ATP9B: variants seen among roughly 807,000 people sequenced by gnomAD.
ATP9B encodes probable phospholipid-transporting ATPase IIB.
Under a neutral mutation model 146.1 loss-of-function variants are expected in ATP9B, and 110 were observed. That is an observed-to-expected ratio of 0.75 (90% CI 0.65 to 0.88). The LOEUF (loss-of-function observed/expected upper bound fraction) is 0.88, where lower values mean the gene tolerates loss of function less well. Among genes scored for constraint, ATP9B ranks in the 40% least tolerant of loss-of-function variants. The probability of loss-of-function intolerance (pLI) is 0.00; values close to 1 mark genes in which losing one functional copy is unlikely to be tolerated. For synonymous variants in ATP9B, 604 were observed against 569.7 expected (o/e 1.06, Z -0.86); for missense variants, 1,499 against 1,496.4 (o/e 1.00, Z -0.03).
At chr18:79,214,215 A>G (rs1361812971) in intron 11 of ATP9B, among the ~76,000 whole-genome samples, 177 bp downstream of exon 11, 1 of 152,182 alleles carries the variant, frequency 6.6e-6, no homozygotes, top group Non-Finnish European at 1.5e-5. Context: ...ACATTCTCAT[A>G]CTGGCGAATT....
chr18:79,120,555 A>C (rs1468629607), intron 4 of ATP9B, among the ~76,000 whole-genome samples: 1 of 152,170 alleles, frequency 6.6e-6, no homozygotes, highest in African/African-American at 2.4e-5. Flanking sequence ...AGTTGATTTC[A>C]TTACATTTTT....
chr18:79,166,793 G>T (rs1288336437), intron 7 of ATP9B, among the ~76,000 whole-genome samples: 1 of 152,192 alleles, frequency 6.6e-6, no homozygotes, highest in Admixed American at 6.5e-5. Flanking sequence ...GCTTAGGCCT[G>T]CTGGGCTCAT....
chr18:79,307,487 G>A, intron 15 of ATP9B: 1 of 491,384 alleles, frequency 2.0e-6, no homozygotes, highest in African/African-American at 1.9e-5. Context: ...TGGTCACAGG[G>A]AACAGCATGA....
intron 11 of ATP9B, among the ~76,000 whole-genome samples, chr18:79,245,229 T>C (rs1327450941): frequency 6.6e-6 from 1 of 152,190 alleles, no homozygotes. Context: ...CTTTGTAAAA[T>C]ACTTGTTAAA....
intron 12 of ATP9B, among the ~76,000 whole-genome samples, chr18:79,265,950 G>C (rs966227390): frequency 6.6e-6 from 1 of 152,154 alleles, no homozygotes; most frequent in African/African-American, 2.4e-5. Context: ...TCTCTCTTCT[G>C]CAAATGGCCA....
chr18:79,314,163 CTATGGTTA>C (rs2096667285), intron 15 of ATP9B, among the ~76,000 whole-genome samples: 1 of 152,212 alleles, frequency 6.6e-6, no homozygotes, highest in Non-Finnish European at 1.5e-5. Context: ...ATCACAACAT[CTATGGTTA>C]ATAAGCAACA....
chr18:79,112,852 A>G (rs2093997973), intron 3 of ATP9B, among the ~76,000 whole-genome samples: 1 of 152,132 alleles, frequency 6.6e-6, no homozygotes, highest in Non-Finnish European at 1.5e-5. Context: ...ATACACCTGT[A>G]TATTTACTGG....
At chr18:79,281,312 C>T (rs1403480397) in intron 13 of ATP9B, among the ~76,000 whole-genome samples, 1 of 151,970 alleles carries the variant, frequency 6.6e-6, no homozygotes, top group African/African-American at 2.4e-5. Flanking sequence ...GCCTGACCAA[C>T]ATGGAGAAAA....
At chr18:79,364,424 A>G (rs1274177204) in intron 26 of ATP9B, 3 of 152,230 alleles carry the variant, frequency 2.0e-5, no homozygotes, top group Admixed American at 6.5e-5. Context: ...AGAGCCCAGA[A>G]ATACATCACA....
At chr18:79,327,963 CGTGGTTAGCGTGCTCTCT>C (rs2096767966) in intron 15 of ATP9B, among the ~76,000 whole-genome samples, 2 of 52,594 alleles carry the variant, frequency 3.8e-5, no homozygotes, top group Non-Finnish European at 3.9e-5. Flanking sequence ...GCGTGCTCTC[CGTGGTTAGCGTGCTCTCT>C]CTGGTTAGCG....
At chr18:79,192,481 G>C (rs60585035) in intron 8 of ATP9B, among the ~76,000 whole-genome samples, 1 of 151,978 alleles carries the variant, frequency 6.6e-6, no homozygotes, top group African/African-American at 2.4e-5. Context: ...AGAGGCACTG[G>C]GGTGGCGTCC....
rs1304371135 is a variant in ATP9B, at chr18:79,347,921, T to C, written c.2834T>C (p.Met945Thr). Residue 945 changes from methionine (M) to threonine (T), a missense_variant, in exon 24 of 30, where the codon ATG becomes ACG. Coordinates refer to ENST00000426216, the MANE Select transcript of ATP9B (RefSeq NM_198531.5). The part of the protein sequence containing the change: ...VMHRGLIIST[M>T]QAVFSSVFYF... The stretch of plus-strand genomic sequence containing the variant: ...CACAGGGGCCTTATCATCTCCACCA[T>C]GCAGGTACTAAGCCTTCTGTGCTGG... 6 of 1,613,090 alleles carry C rather than the reference T, an allele frequency of 3.7e-6. No individual in the cohort carries two copies. Among genetic ancestry groups the C allele is most frequent in the Middle Eastern group, 1.6e-4 (1 of 6,072 alleles).
chr18:79,069,952 T>C (rs4337369), intron 1 of ATP9B, among the ~76,000 whole-genome samples: 20,917 of 152,242 alleles, frequency 0.14, 2,049 homozygotes, highest in African/African-American at 0.28. Flanking sequence ...AAAACACACT[T>C]CTTATTGAAA....
rs1001445117 is a variant in ATP9B, at chr18:79,377,080, G to A, written c.3308-167G>A. 2.0e-5 allele frequency among the ~76,000 whole-genome samples: 3 copies of A among 152,190 alleles called. No individual in the cohort carries two copies. In the South Asian group the frequency reaches 6.2e-4, roughly 31 times the overall value. ...CCCGGTATGCAGGTCAAACAATTCTGCAGTCAAGAAAACCTGAGATTTGGA... is the reference window on the plus strand; with the variant it reads ...CCCGGTATGCAGGTCAAACAATTCTACAGTCAAGAAAACCTGAGATTTGGA... On this transcript the variant is annotated intron_variant, in intron 29 of 29. Coordinates refer to ENST00000426216, the MANE Select transcript of ATP9B (RefSeq NM_198531.5).
chr18:79,333,509 A>G (rs546021834), intron 17 of ATP9B, among the ~76,000 whole-genome samples: 14 of 152,330 alleles, frequency 9.2e-5, no homozygotes, highest in African/African-American at 3.4e-4. Context: ...TGCATTATCA[A>G]TGTTCACATT....
At chr18:79,374,233 C>G in intron 28 of ATP9B, 132 bp downstream of exon 28, 1 of 1,062,660 alleles carries the variant, frequency 9.4e-7, no homozygotes. Flanking sequence ...AGTGCCTGCT[C>G]TTACTGTCCC....
Position 79,358,904 on chromosome 18 carries a change from G to T in ATP9B, c.2904-450G>T, listed in dbSNP as rs571242013. Among the ~76,000 whole-genome samples, 334 of 146,312 alleles carry T rather than the reference G, an allele frequency of 2.3e-3. 5 individuals carry two copies. Among genetic ancestry groups the T allele is most frequent in the Non-Finnish European group, 3.7e-3 (244 of 66,184 alleles). ...CTGTGTGAGGGACTCTGTGTGAGGG[G>T]TGCTGTGGGTCTGGAGGTGTCTGTG... On this transcript the variant is annotated intron_variant, in intron 25 of 29. Transcript: ENST00000426216.
intron 15 of ATP9B, among the ~76,000 whole-genome samples, chr18:79,313,042 C>T (rs1337069186): frequency 6.6e-6 from 1 of 152,218 alleles, no homozygotes; most frequent in African/African-American, 2.4e-5. Flanking sequence ...CTGTTGGCTA[C>T]ACCTTTCTGT....
At position 79,206,361 on chromosome 18, in the gene ATP9B, A is replaced by T. The variant is rs992450564; in HGVS notation, c.955-576A>T. ...GTGAATACATGCACACTTAAAAAGC[A>T]TTGCCCTTGTCCTTCACAAGAGATA... On this transcript the variant is annotated intron_variant, in intron 9 of 29. Coordinates refer to ENST00000426216, the MANE Select transcript of ATP9B (RefSeq NM_198531.5). Among the ~76,000 whole-genome samples, 42 of 152,212 alleles carry T rather than the reference A, an allele frequency of 2.8e-4. 1 individual carries two copies. Among genetic ancestry groups the T allele is most frequent in the African/African-American group, 9.7e-4 (40 of 41,444 alleles).
Sources: allele counts gnomAD v4.1 joint callset (sites outside exome capture counted in the v4.1 genomes callset), GRCh38; gene constraint gnomAD v4.1.1; transcripts MANE v1.5; gene names NCBI Gene and HGNC (gene_info 2026-07-23, HGNC 2026-07-21).